Variants in BUD23 observed in about 807,000 individuals in gnomAD.
BUD23 encodes the protein 18S rRNA (guanine-N(7))-methyltransferase.
In BUD23, 34 loss-of-function variants were observed where a neutral mutation model predicts 47.0. That is an observed-to-expected ratio of 0.72 (90% CI 0.55 to 0.96). The LOEUF is 0.96. Among genes scored for constraint, BUD23 ranks in the 40% least tolerant of loss-of-function variants. The pLI is 0.00. For missense variants in BUD23, 343 were observed against 361.2 expected (o/e 0.95, Z 0.41); for synonymous variants, 124 against 132.0 (o/e 0.94, Z 0.41).
intron 5 of BUD23, among the ~76,000 whole-genome samples, chr7:73,690,539 A>G (rs782134254): frequency 6.6e-6 from 1 of 152,230 alleles, no homozygotes; most frequent in Non-Finnish European, 1.5e-5. Context: ...TCTTGGGACT[A>G]TGGGACATAA....
At chr7:73,684,205 T>C (rs1797846999) in intron 2 of BUD23, among the ~76,000 whole-genome samples, 2 of 152,108 alleles carry the variant, frequency 1.3e-5, no homozygotes, top group African/African-American at 4.8e-5. Context: ...GGTGTATTAT[T>C]GTCTGAATTT....
At chr7:73,694,269 T>G in intron 10 of BUD23, 1 of 513,896 alleles carries the variant, frequency 1.9e-6, no homozygotes, top group Non-Finnish European at 3.4e-6. Context: ...CTGGACTCCC[T>G]TTGTGAGCCC....
intron 7 of BUD23, 140 bp from the exon 8 acceptor site, chr7:73,693,189 C>T: frequency 1.3e-6 from 1 of 756,634 alleles, no homozygotes; most frequent in Non-Finnish European, 2.3e-6. Context: ...GTACTTTTCT[C>T]TACGTGGCTT....
rs910448290 is a variant in BUD23 at position 73,690,788 on chromosome 7, T to G, written c.363-128T>G. On this transcript the variant is annotated intron_variant, in intron 5 of 11. Transcript: ENST00000265758. ...GTACGTGGCCTCAACCTGCACTTTC[T>G]AAGAAGGGAAGCTGTGGGAGGAGGG... 5 of 729,660 alleles carry G rather than the reference T, an allele frequency of 6.9e-6. No individual in the cohort carries two copies. In the African/African-American group the frequency reaches 8.8e-5, roughly 13 times the overall value. The allele number at this position is 729,660 out of a possible 1,614,324, so 45.2% of individuals were successfully genotyped here.
chr7:73,683,703 T>C, intron 1 of BUD23, 30 bp downstream of exon 1: 1 of 1,613,972 alleles, frequency 6.2e-7, no homozygotes, highest in Non-Finnish European at 8.5e-7. Flanking sequence ...GACACCCCTC[T>C]CCCCACTTCT....
chr7:73,691,544 G>T (rs529686733), intron 6 of BUD23, among the ~76,000 whole-genome samples: 1 of 152,312 alleles, frequency 6.6e-6, no homozygotes, highest in East Asian at 1.9e-4. Context: ...GTTAATTTCA[G>T]TTGTTCACTA....
chr7:73,686,021 G>A (rs1019943799), intron 2 of BUD23, among the ~76,000 whole-genome samples: 2 of 151,738 alleles, frequency 1.3e-5, no homozygotes, highest in Non-Finnish European at 2.9e-5. Flanking sequence ...GCATTAACCC[G>A]GGAGGCGGAG....
rs930107692 is a variant in BUD23 at position 73,697,223 on chromosome 7, G to A, written c.702-382G>A. 15 of 547,136 alleles carry A rather than the reference G, an allele frequency of 2.7e-5. No individual in the cohort carries two copies. In the African/African-American group the frequency reaches 2.8e-4, roughly 10 times the overall value. 33.9% of individuals were successfully genotyped at this position (547,136 alleles called of 1,614,324 possible). ...CTGCCCCCAAGCTGTGGGACCCTAA[G>A]CTCCTGCTGTGAACTGTCGACTGTG... On this transcript the variant is annotated intron_variant, in intron 10 of 11. Coordinates refer to ENST00000265758, the MANE Select transcript of BUD23 (RefSeq NM_017528.5).
chr7:73,693,301 G>T, intron 7 of BUD23, 28 bp from the exon 8 acceptor site: 4 of 1,604,468 alleles, frequency 2.5e-6, no homozygotes, highest in Non-Finnish European at 3.4e-6. Context: ...AACCTCCGCT[G>T]CCTGACCCGC....
Position 73,693,821 on chromosome 7 carries a change from G to C in BUD23, c.642+152G>C, listed in dbSNP as rs557468204. On this transcript the variant is annotated intron_variant, in intron 9 of 11. Transcript: ENST00000265758. ...GGAGTGCTCACATCCTCTGGAATCTGGAGGCAGAGACCTCTGCTCTGCAGG... is the reference window on the plus strand; with the variant it reads ...GGAGTGCTCACATCCTCTGGAATCTCGAGGCAGAGACCTCTGCTCTGCAGG... The C allele has an allele frequency of 8.4e-5, 112 of 1,336,114 alleles. No homozygotes were observed. In the East Asian group the frequency reaches 2.2e-3, roughly 27 times the overall value. The allele number at this position is 1,336,114 out of a possible 1,614,324, so 82.8% of individuals were successfully genotyped here.
chr7:73,697,984 T>C lies in BUD23; in HGVS notation c.*98T>C. The stretch of plus-strand genomic sequence containing the variant: ...TAGAAAAGTTCTAAAGTTATAAAAA[T>C]GTTTTCTGCAGTAAAAAAAAAGTTC... On this transcript the variant is annotated 3_prime_UTR_variant, in exon 12 of 12. Transcript: ENST00000265758. 1.4e-6 allele frequency: 2 copies of C among 1,444,714 alleles called. No individual in the cohort carries two copies. The highest frequency in any genetic ancestry group is 2.4e-5 in the East Asian group (1 of 41,830). The allele number at this position is 1,444,714 out of a possible 1,614,324, so 89.5% of individuals were successfully genotyped here.
At chr7:73,685,710 A>G (rs1797939725) in intron 2 of BUD23, among the ~76,000 whole-genome samples, 1 of 151,858 alleles carries the variant, frequency 6.6e-6, no homozygotes, top group Non-Finnish European at 1.5e-5. Context: ...GTCCTTGCTG[A>G]TGACTTTTTA....
intron 2 of BUD23, 121 bp downstream of exon 2, chr7:73,683,925 TG>T: frequency 6.3e-7 from 1 of 1,589,878 alleles, no homozygotes; most frequent in South Asian, 1.1e-5. Context: ...AGGACCCGGG[TG>T]GGTGCCGATT....
At chr7:73,684,122 G>T (rs1295517417) in intron 2 of BUD23, 3 of 708,916 alleles carry the variant, frequency 4.2e-6, no homozygotes, top group African/African-American at 1.8e-5. Context: ...AGTCCTGGTG[G>T]GGGGAAGGAA....
In BUD23 at chr7:73,697,987, T is replaced by C. The variant is rs1428520495; in HGVS notation, c.*101T>C. On this transcript the variant is annotated 3_prime_UTR_variant, in exon 12 of 12. Coordinates refer to ENST00000265758, the MANE Select transcript of BUD23 (RefSeq NM_017528.5). Reference sequence around the variant, plus strand: ...AAAAGTTCTAAAGTTATAAAAATGTTTTCTGCAGTAAAAAAAAAGTTCTCT... The same window carrying C: ...AAAAGTTCTAAAGTTATAAAAATGTCTTCTGCAGTAAAAAAAAAGTTCTCT... The C allele has an allele frequency of 2.2e-5, 31 of 1,430,914 alleles. No individual in the cohort carries two copies. The highest frequency in any genetic ancestry group is 2.9e-5 in the Non-Finnish European group (31 of 1,073,406). The allele number at this position is 1,430,914 out of a possible 1,614,324, so 88.6% of individuals were successfully genotyped here. A position where few individuals can be genotyped will look rare whatever the true frequency, so the allele number is the denominator to read the frequency against.
intron 2 of BUD23, 104 bp from the exon 3 acceptor site, chr7:73,686,532 G>A: frequency 2.0e-6 from 2 of 1,010,748 alleles, no homozygotes; most frequent in Non-Finnish European, 3.0e-6. Flanking sequence ...TCCGTTTTTT[G>A]TTTGTTTTTA....
At chr7:73,690,122 A>G (rs570935303) in intron 5 of BUD23, among the ~76,000 whole-genome samples, 7 of 152,290 alleles carry the variant, frequency 4.6e-5, no homozygotes, top group Non-Finnish European at 1.0e-4. Context: ...CTTCTGCCTC[A>G]GCCACCTGAG....
Position 73,683,776 on chromosome 7 carries a change from G to C in BUD23, c.58G>C (p.Glu20Gln). Residue 20 changes from glutamate to glutamine, a missense_variant, in exon 2 of 12, where the codon GAG becomes CAG. Physicochemically the swap from Glu to Gln is conservative, Grantham distance 29 (BLOSUM62 2). Coordinates refer to ENST00000265758, the MANE Select transcript of BUD23 (RefSeq NM_017528.5). ...HGGPPELFYD[E>Q]TEARKYVRNS... ...TTTCTCTTTTTCGCAGTTTTATGAC[G>C]AGACAGAAGCCCGGAAATACGTTCG... 2 of 1,614,168 alleles carry C rather than the reference G, an allele frequency of 1.2e-6. No homozygotes were observed. Among genetic ancestry groups the C allele is most frequent in the South Asian group, 1.1e-5 (1 of 91,078 alleles).
At chr7:73,687,900 GTTT>G (rs1177909328) in intron 5 of BUD23, among the ~76,000 whole-genome samples, 1 of 142,468 alleles carries the variant, frequency 7.0e-6, no homozygotes. Context: ...CGTGGTTGTT[GTTT>G]TTTTTTTTTT....
Sources: allele counts gnomAD v4.1 joint callset (sites outside exome capture counted in the v4.1 genomes callset), GRCh38; gene constraint gnomAD v4.1.1; transcripts MANE v1.5; gene names NCBI Gene and HGNC (gene_info 2026-07-23, HGNC 2026-07-21).